Variants in MAF observed in about 807,000 individuals in gnomAD.
The protein encoded by MAF is transcription factor Maf.
Under a neutral mutation model 22.0 loss-of-function variants are expected in MAF, and 10 were observed. The observed-to-expected ratio is 0.45, with a 90% CI of 0.28 to 0.77. MAF has a LOEUF of 0.77. Ranked by LOEUF, MAF falls within the 30% of genes least tolerant of loss-of-function variation. The pLI is 0.12. For missense variants in MAF, 544 were observed against 548.4 expected, an observed-to-expected ratio of 0.99 and a Z score of 0.08; for synonymous variants, 337 against 255.8, an observed-to-expected ratio of 1.32 and a Z score of -3.03.
the MAF span, among the ~76,000 whole-genome samples, chr16:79,545,004 T>C: frequency 7.2e-5 from 11 of 152,236 alleles, no homozygotes; most frequent in East Asian, 1.9e-3. Flanking sequence ...TCAAGCAATC[T>C]TGGGTCAGGG....
chr16:79,298,214 C>T, the MAF span, among the ~76,000 whole-genome samples: 1 of 152,182 alleles, frequency 6.6e-6, no homozygotes. Flanking sequence ...ACTTGCGTCC[C>T]CAGGAAAGGA....
chr16:79,449,498 A>G, the MAF span, among the ~76,000 whole-genome samples: 4 of 152,112 alleles, frequency 2.6e-5, no homozygotes, highest in Non-Finnish European at 5.9e-5. Context: ...AGTTTTACTT[A>G]CTACCTCTCT....
downstream of MAF, among the ~76,000 whole-genome samples, chr16:79,582,795 C>T (rs1045941693): frequency 6.6e-6 from 1 of 152,154 alleles, no homozygotes; most frequent in South Asian, 2.1e-4. Flanking sequence ...AGATGGGTCT[C>T]TGCTCCAAAT....
chr16:79,397,721 A>G, the MAF span, among the ~76,000 whole-genome samples: 1 of 152,064 alleles, frequency 6.6e-6, no homozygotes, highest in Non-Finnish European at 1.5e-5. Flanking sequence ...GTGGGCACTG[A>G]TAAAAGGCAT....
the MAF span, among the ~76,000 whole-genome samples, chr16:79,344,340 C>A: frequency 1.3e-5 from 2 of 152,208 alleles, no homozygotes; most frequent in Admixed American, 1.3e-4. Flanking sequence ...TCTTCAAGAT[C>A]GGGGCTTCCC....
chr16:79,546,810 A>C, the MAF span, among the ~76,000 whole-genome samples: 1 of 152,196 alleles, frequency 6.6e-6, no homozygotes, highest in Non-Finnish European at 1.5e-5. Context: ...GTTTAACCCA[A>C]CAACTGACCA....
the MAF span, among the ~76,000 whole-genome samples, chr16:79,250,028 C>T: frequency 6.6e-6 from 1 of 152,198 alleles, no homozygotes; most frequent in African/African-American, 2.4e-5. Flanking sequence ...CTGAATTAGC[C>T]CGTTACCAGC....
At chr16:79,355,356 C>T in the MAF span, among the ~76,000 whole-genome samples, 3 of 152,222 alleles carry the variant, frequency 2.0e-5, no homozygotes, top group Non-Finnish European at 4.4e-5. Flanking sequence ...CTGTGGTCGT[C>T]CTGTCCCCAG....
the MAF span, among the ~76,000 whole-genome samples, chr16:79,274,248 C>T: frequency 1.3e-5 from 1 of 76,222 alleles, no homozygotes; most frequent in Non-Finnish European, 2.6e-5. Flanking sequence ...AGCCACTTTG[C>T]CCAGCCTTTT....
chr16:79,383,618 ACTTAAC>A, the MAF span, among the ~76,000 whole-genome samples: 1 of 152,222 alleles, frequency 6.6e-6, no homozygotes, highest in Non-Finnish European at 1.5e-5. Flanking sequence ...ACTTGTAGCT[ACTTAAC>A]CTTATTCAAG....
chr16:79,522,434 T>C, the MAF span, among the ~76,000 whole-genome samples: 1 of 151,940 alleles, frequency 6.6e-6, no homozygotes, highest in African/African-American at 2.4e-5. Flanking sequence ...GTTTGCAGAG[T>C]CCTCACCACT....
chr16:79,243,406 T>G, the MAF span, among the ~76,000 whole-genome samples: 1 of 151,952 alleles, frequency 6.6e-6, no homozygotes, highest in Non-Finnish European at 1.5e-5. Flanking sequence ...CCCACAGAAA[T>G]ACAAACTATT....
the MAF span, among the ~76,000 whole-genome samples, chr16:79,309,352 G>A: frequency 6.6e-5 from 10 of 152,224 alleles, no homozygotes; most frequent in East Asian, 3.9e-4. Flanking sequence ...CCATTTTGTC[G>A]GGTTTGCAGT....
the MAF span, among the ~76,000 whole-genome samples, chr16:79,500,477 A>C: frequency 8.5e-5 from 13 of 152,162 alleles, no homozygotes; most frequent in Non-Finnish European, 1.9e-4. Flanking sequence ...GTCATACCCC[A>C]GTAGTTGCTT....
At chr16:79,410,576 T>A in the MAF span, among the ~76,000 whole-genome samples, 10 of 152,218 alleles carry the variant, frequency 6.6e-5, no homozygotes, top group African/African-American at 2.2e-4. Flanking sequence ...GACAAGTCCC[T>A]GATCTCAAGG....
chr16:79,298,731 G>C, the MAF span, among the ~76,000 whole-genome samples: 1 of 152,260 alleles, frequency 6.6e-6, no homozygotes, highest in African/African-American at 2.4e-5. Context: ...GGCCTTGGGG[G>C]CTGAACTTGG....
the MAF span, among the ~76,000 whole-genome samples, chr16:79,558,511 ATTGT>A: frequency 6.6e-6 from 1 of 152,194 alleles, no homozygotes; most frequent in Non-Finnish European, 1.5e-5. Flanking sequence ...GATTTATATT[ATTGT>A]TTATTTTCTC....
At chr16:79,271,113 G>A in the MAF span, among the ~76,000 whole-genome samples, 6 of 144,688 alleles carry the variant, frequency 4.1e-5, no homozygotes, top group South Asian at 2.2e-4. Flanking sequence ...ACGGGGTTTC[G>A]CCATGTTGGC....
chr16:79,380,484 G>A, the MAF span, among the ~76,000 whole-genome samples: 3 of 152,138 alleles, frequency 2.0e-5, no homozygotes, highest in Admixed American at 6.5e-5. Flanking sequence ...TTTTACAGAG[G>A]AAAAGTGAAA....
Sources: allele counts gnomAD v4.1 joint callset (sites outside exome capture counted in the v4.1 genomes callset), GRCh38; gene constraint gnomAD v4.1.1; transcripts MANE v1.5; gene names NCBI Gene and HGNC (gene_info 2026-07-23, HGNC 2026-07-21).